The following EPB41L3 variants were observed in gnomAD, a reference collection of about 807,000 sequenced individuals.
The protein encoded by EPB41L3 is erythrocyte membrane protein band 4.1 like 3.
EPB41L3 carries 57 observed loss-of-function variants against 127.1 expected under a neutral mutation model. The ratio of observed to expected loss-of-function variants is 0.45; its 90% confidence interval spans 0.36 to 0.56. EPB41L3 has a LOEUF of 0.56. Among genes scored for constraint, EPB41L3 ranks in the 20% least tolerant of loss-of-function variants. EPB41L3 has a pLI of 0.00. For missense variants in EPB41L3, 1,273 were observed against 1,372.2 expected (o/e 0.93, Z 1.14); for synonymous variants, 572 against 549.5 (o/e 1.04, Z -0.57).
At chr18:5,479,898 T>C (rs185475076) in intron 2 of EPB41L3, among the ~76,000 whole-genome samples, 194 of 152,318 alleles carry the variant, frequency 1.3e-3, no homozygotes, top group Non-Finnish European at 2.4e-3. Flanking sequence ...AGTTTGGCCT[T>C]GAGGTAATTG....
intron 3 of EPB41L3, among the ~76,000 whole-genome samples, chr18:5,554,027 T>C (rs1242611463): frequency 2.0e-5 from 3 of 152,182 alleles, no homozygotes; most frequent in Non-Finnish European, 2.9e-5. Context: ...AGCTCTTCTC[T>C]AGGAAATACT....
At chr18:5,585,960 G>C (rs2143379944) in intron 3 of EPB41L3, among the ~76,000 whole-genome samples, 1 of 152,286 alleles carries the variant, frequency 6.6e-6, no homozygotes, top group Middle Eastern at 3.4e-3. Context: ...TCAGCTCTTA[G>C]TGGGCTCAGT....
intron 13 of EPB41L3, 62 bp downstream of exon 13, chr18:5,415,756 C>T: frequency 6.7e-7 from 1 of 1,498,824 alleles, no homozygotes. Flanking sequence ...AGCCAGCTAA[C>T]ACTGTTTCGG....
chr18:5,393,692 ATT>A (rs952383842), intron 22 of EPB41L3: 5 of 446,080 alleles, frequency 1.1e-5, no homozygotes, highest in African/African-American at 1.0e-4. Flanking sequence ...AATCTGTTTT[ATT>A]TTTTTTGCTA....
chr18:5,478,312 C>A lies in EPB41L3; in HGVS notation c.310G>T (p.Val104Phe). ...SKLSRSPLKI[V>F]KKPKSMQCKV... ...CACTGCATGCTTTTAGGCTTTTTGA[C>A]AATCTTTAATGGAGACCGAGAGAGT... is the stretch of plus-strand genomic sequence containing the variant. Residue 104 changes from valine (V) to phenylalanine (F), a missense_variant, in exon 3 of 23, where the codon GTC (valine) becomes TTC (phenylalanine). Val to Phe is a conservative substitution (Grantham distance 50). This residue lies in a region of EPB41L3 where 182 missense variants were observed against 149.2 expected (regional missense o/e 1.22). Coordinates refer to ENST00000341928, the MANE Select transcript of EPB41L3 (RefSeq NM_012307.5). 2 of 1,614,068 alleles carry A rather than the reference C, an allele frequency of 1.2e-6. No homozygotes were observed. Among genetic ancestry groups the A allele is most frequent in the Non-Finnish European group, 1.7e-6 (2 of 1,180,002 alleles).
intron 3 of EPB41L3, among the ~76,000 whole-genome samples, chr18:5,562,866 G>A (rs2094151425): frequency 6.6e-6 from 1 of 152,170 alleles, no homozygotes; most frequent in Non-Finnish European, 1.5e-5. Flanking sequence ...AGCACTTACT[G>A]CGTGACTTAG....
chr18:5,558,088 C>T (rs562355015), intron 3 of EPB41L3, among the ~76,000 whole-genome samples: 2 of 152,290 alleles, frequency 1.3e-5, no homozygotes, highest in Non-Finnish European at 2.9e-5. Context: ...CTGTCACTTA[C>T]GTTTCAGGAA....
Position 5,489,016 on chromosome 18 carries a change from G to C in EPB41L3, c.168C>G (p.Thr56=). Residue 56 remains threonine, a synonymous_variant, in exon 2 of 23, where the codon ACC becomes ACG. Coordinates refer to ENST00000341928, the MANE Select transcript of EPB41L3 (RefSeq NM_012307.5). ...CTGGGCTCACCTCCCTCCGCACCGG[G>C]GTGCTGTGCGCTGCAGCGGCGGCGA... ...EQFAAAAAHS[T]PVRREVTDKE... is the part of the protein sequence containing the mutation. The C allele has an allele frequency of 1.3e-6, 2 of 1,584,946 alleles. No homozygotes were observed. Among genetic ancestry groups the C allele is most frequent in the African/African-American group, 2.8e-5 (2 of 72,246 alleles).
chr18:5,440,750 T>C (rs757188198), intron 5 of EPB41L3, among the ~76,000 whole-genome samples: 1 of 152,234 alleles, frequency 6.6e-6, no homozygotes, highest in Non-Finnish European at 1.5e-5. Flanking sequence ...ATATGCTCTA[T>C]GTCATAAAAT....
rs138847375 is a variant in EPB41L3, at chr18:5,585,596, G to A, written c.-306+26744C>T. 2.0e-3 allele frequency among the ~76,000 whole-genome samples: 297 copies of A among 152,260 alleles called. 2 individuals are homozygous for A. The highest frequency in any genetic ancestry group is 6.8e-3 in the African/African-American group (283 of 41,556). Reference sequence around the variant, plus strand: ...TCTATTGAATGCTGCTCTTCTGAACGTGTTAACCAAGCGATTTCCTCAAAG... The same window carrying A: ...TCTATTGAATGCTGCTCTTCTGAACATGTTAACCAAGCGATTTCCTCAAAG... On this transcript the variant is annotated intron_variant, in intron 3 of 21. Coordinates refer to the EPB41L3 transcript ENST00000545076.
At chr18:5,602,881 A>G (rs1322220183) in intron 3 of EPB41L3, among the ~76,000 whole-genome samples, 1 of 152,220 alleles carries the variant, frequency 6.6e-6, no homozygotes, top group Non-Finnish European at 1.5e-5. Flanking sequence ...ACTAAAATAG[A>G]TTTTAGAATA....
chr18:5,519,803 T>A (rs182666229), intron 1 of EPB41L3, among the ~76,000 whole-genome samples: 1 of 152,354 alleles, frequency 6.6e-6, no homozygotes, highest in East Asian at 1.9e-4. Flanking sequence ...CGGATTTAGC[T>A]GAGTAGTTAC....
Position 5,419,851 on chromosome 18 carries a change from T to C in EPB41L3, c.1366A>G (p.Thr456Ala). 1 of 1,614,254 alleles carries C rather than the reference T, an allele frequency of 6.2e-7. No individual in the cohort carries two copies. Among genetic ancestry groups the C allele is most frequent in the South Asian group, 1.1e-5 (1 of 91,086 alleles). Reference protein sequence around the residue: ...GEVGTGQYATTKGISQTNLIT... With the variant: ...GEVGTGQYATAKGISQTNLIT... Reference sequence around the variant, plus strand: ...AAGTTGGTCTGAGAGATGCCTTTTGTTGTGGCGTACTGGCCAGTACCAACC... The same window carrying C: ...AAGTTGGTCTGAGAGATGCCTTTTGCTGTGGCGTACTGGCCAGTACCAACC... The change falls in exon 12 of 23, where the codon ACA (threonine) becomes GCA (alanine). Residue 456 changes from threonine to alanine, a missense_variant. Coordinates refer to ENST00000341928, the MANE Select transcript of EPB41L3 (RefSeq NM_012307.5).
Position 5,397,248 on chromosome 18 carries a change from G to A in EPB41L3, c.2651C>T (p.Pro884Leu). ...TTTCCCTTTAATGCCTGTGAATGCGGGCTGTGCTGCAGCATCCCCGCTGTC... is the reference window on the plus strand; with the variant it reads ...TTTCCCTTTAATGCCTGTGAATGCGAGCTGTGCTGCAGCATCCCCGCTGTC... ...AGDSGDAAAQPAFTGIKGKEG... is the reference protein window; with the variant it reads ...AGDSGDAAAQLAFTGIKGKEG... Residue 884 changes from proline to leucine, a missense_variant, in exon 18 of 23, where the codon CCC becomes CTC. By Grantham distance (98) the Pro-to-Leu change is moderately conservative. Transcript: ENST00000341928. The surrounding 1 kb of genome is among the most constrained non-coding windows in gnomAD (Gnocchi z 4.1). 6.2e-7 allele frequency: 1 copy of A among 1,614,130 alleles called. No individual in the cohort carries two copies. Among genetic ancestry groups the A allele is most frequent in the African/African-American group, 1.3e-5 (1 of 75,040 alleles).
At chr18:5,425,761 C>A (rs980159023) in intron 9 of EPB41L3, among the ~76,000 whole-genome samples, 10 of 152,186 alleles carry the variant, frequency 6.6e-5, no homozygotes, top group African/African-American at 2.4e-4. Flanking sequence ...CCAGCTCTCT[C>A]TGAGCCTGCT....
chr18:5,404,832 C>T (rs553141440), intron 16 of EPB41L3, among the ~76,000 whole-genome samples: 17 of 152,192 alleles, frequency 1.1e-4, no homozygotes, highest in African/African-American at 4.1e-4. Context: ...TCTTTAGAGC[C>T]AGTAAATTAT....
chr18:5,543,758 C>T lies in EPB41L3; in HGVS notation c.-12+155G>A, dbSNP rs900670147. On this transcript the variant is annotated intron_variant, in intron 1 of 22. Transcript: ENST00000341928. This position sits in a 1 kb window ranked among gnomAD's most constrained non-coding sequence, Gnocchi z 5.2. ...GGTTGGGGACCCCGGCCGCGCCGGG[C>T]GCGGGGCTCGGGATTCGGGAGACCG... Among the ~76,000 whole-genome samples, 2 of 148,860 alleles carry T rather than the reference C, an allele frequency of 1.3e-5. No individual in the cohort carries two copies. Among genetic ancestry groups the T allele is most frequent in the Admixed American group, 1.3e-4 (2 of 15,014 alleles).
intron 1 of EPB41L3, among the ~76,000 whole-genome samples, chr18:5,617,614 G>A (rs760335153): frequency 4.6e-5 from 7 of 152,166 alleles, no homozygotes; most frequent in Non-Finnish European, 8.8e-5. Flanking sequence ...CACCGCGCCC[G>A]GCCCAAGTCA....
chr18:5,451,046 T>A (rs1355229293), intron 3 of EPB41L3, among the ~76,000 whole-genome samples: 1 of 152,216 alleles, frequency 6.6e-6, no homozygotes, highest in Admixed American at 6.5e-5. Flanking sequence ...TATCATTCAT[T>A]CCAGACTGCA....
Sources: allele counts gnomAD v4.1 joint callset (sites outside exome capture counted in the v4.1 genomes callset), GRCh38; gene constraint gnomAD v4.1.1; regional missense constraint gnomAD v4.1.1; non-coding constraint Gnocchi (gnomAD v3.1); transcripts MANE v1.5; gene names NCBI Gene and HGNC (gene_info 2026-07-23, HGNC 2026-07-21).